ZNF385D: variants seen among roughly 807,000 people sequenced by gnomAD.
The protein encoded by ZNF385D is zinc finger protein 385D, also known as zinc finger protein 659.
In ZNF385D, 15 loss-of-function variants were observed where a neutral mutation model predicts 35.8. That is an observed-to-expected ratio of 0.42 (90% CI 0.28 to 0.64). The LOEUF (loss-of-function observed/expected upper bound fraction) is 0.64. Among genes scored for constraint, ZNF385D ranks in the 30% least tolerant of loss-of-function variants. The pLI is 0.23. For missense variants in ZNF385D, 474 were observed against 494.6 expected, an observed-to-expected ratio of 0.96 and a Z score of 0.39; for synonymous variants, 212 against 186.8, an observed-to-expected ratio of 1.13 and a Z score of -1.10.
chr3:22,059,461 A>G (rs1176344581), intron 3 of ZNF385D, among the ~76,000 whole-genome samples: 2 of 152,194 alleles, frequency 1.3e-5, no homozygotes, highest in Non-Finnish European at 2.9e-5. Context: ...ATTTTCTTCT[A>G]GGAAACACTG....
At chr3:21,809,718 A>G (rs538038967) in intron 3 of ZNF385D, among the ~76,000 whole-genome samples, 43 of 151,556 alleles carry the variant, frequency 2.8e-4, no homozygotes, top group African/African-American at 9.9e-4. Context: ...ATATACATAT[A>G]TATACACACA....
intron 3 of ZNF385D, among the ~76,000 whole-genome samples, chr3:22,104,058 G>A (rs1051846915): frequency 3.3e-5 from 5 of 152,048 alleles, no homozygotes; most frequent in African/African-American, 9.7e-5. Flanking sequence ...CCAGCCTTGG[G>A]GAGTGAGGGA....
At chr3:21,579,023 C>T (rs985148138) in intron 2 of ZNF385D, among the ~76,000 whole-genome samples, 3 of 152,108 alleles carry the variant, frequency 2.0e-5, no homozygotes, top group African/African-American at 4.8e-5. Context: ...ACTCTTAATT[C>T]CTTTCTATTT....
chr3:21,847,523 A>C (rs932880402), intron 3 of ZNF385D, among the ~76,000 whole-genome samples: 1 of 152,066 alleles, frequency 6.6e-6, no homozygotes. Flanking sequence ...CCTCTTGACA[A>C]ATTTTAGATT....
chr3:21,657,399 T>G (rs946926674), intron 2 of ZNF385D, among the ~76,000 whole-genome samples: 8 of 151,992 alleles, frequency 5.3e-5, no homozygotes, highest in African/African-American at 1.9e-4. Flanking sequence ...GTCACTATAA[T>G]AAGTACATTT....
intron 2 of ZNF385D, among the ~76,000 whole-genome samples, chr3:21,623,685 A>C (rs2065064721): frequency 6.6e-6 from 1 of 152,000 alleles, no homozygotes; most frequent in Admixed American, 6.6e-5. Flanking sequence ...AAAAACAAAA[A>C]ACCACAATGT....
At chr3:22,269,966 A>G (rs1295835444) in intron 2 of ZNF385D, among the ~76,000 whole-genome samples, 2 of 151,814 alleles carry the variant, frequency 1.3e-5, no homozygotes, top group Non-Finnish European at 2.9e-5. Flanking sequence ...AGTAGTGTAT[A>G]GCAGCACTTC....
chr3:22,226,886 T>G (rs1256309460), intron 2 of ZNF385D, among the ~76,000 whole-genome samples: 1 of 152,170 alleles, frequency 6.6e-6, no homozygotes, highest in Non-Finnish European at 1.5e-5. Flanking sequence ...ACCTTAATAT[T>G]CTCTCCATTC....
In ZNF385D at chr3:21,418,219, T is replaced by C. The variant is rs1161432615; in HGVS notation, c.*2995A>G. 1 of 152,148 alleles carries C rather than the reference T, an allele frequency of 6.6e-6. No individual in the cohort carries two copies. The highest frequency in any genetic ancestry group is 1.5e-5 in the Non-Finnish European group (1 of 68,000). The allele number at this position is 152,148 out of a possible 1,614,324, so 9.4% of individuals were successfully genotyped here. On this transcript the variant is annotated 3_prime_UTR_variant, in exon 8 of 8. Transcript: ENST00000281523. ...CCATGGTGTGATGCATGGGAAGGAA[T>C]GTAAAACCATAAAGTCAGACCACCC...
At chr3:22,152,337 G>A (rs376679572) in intron 3 of ZNF385D, among the ~76,000 whole-genome samples, 7 of 152,214 alleles carry the variant, frequency 4.6e-5, no homozygotes, top group Admixed American at 2.6e-4. Context: ...ATACCACTTA[G>A]GAAAATGACG....
intron 4 of ZNF385D, among the ~76,000 whole-genome samples, chr3:21,509,169 A>G (rs1401968604): frequency 6.6e-6 from 1 of 152,178 alleles, no homozygotes; most frequent in Non-Finnish European, 1.5e-5. Context: ...ATTTTAAAAA[A>G]GTCAAGATAA....
chr3:21,536,864 C>T (rs532117150), intron 3 of ZNF385D, among the ~76,000 whole-genome samples: 16 of 151,908 alleles, frequency 1.1e-4, no homozygotes, highest in South Asian at 6.4e-4. Flanking sequence ...AAGCAAAGCA[C>T]GCAGAAATCG....
chr3:22,211,502 A>G (rs1384607304), intron 2 of ZNF385D, among the ~76,000 whole-genome samples: 3 of 151,934 alleles, frequency 2.0e-5, no homozygotes, highest in Non-Finnish European at 4.4e-5. Context: ...AGCATTTGGA[A>G]TTTAGTTTCA....
Position 21,414,305 on chromosome 3 carries a change from T to A in ZNF385D, c.*6909A>T, listed in dbSNP as rs967678487. The A allele has an allele frequency of 6.6e-6, 1 of 152,036 alleles. No individual in the cohort carries two copies. The highest frequency in any genetic ancestry group is 2.4e-5 in the African/African-American group (1 of 41,412). The allele number at this position is 152,036 out of a possible 1,614,324, so 9.4% of individuals were successfully genotyped here. On this transcript the variant is annotated 3_prime_UTR_variant, in exon 8 of 8. Transcript: ENST00000281523. ...AAATGAAAGAAACTATGACTAAAAA[T>A]ATTCCCCGAAGAAACAATGTTCTTT...
In ZNF385D at chr3:22,006,942, A is replaced by G. The variant is rs555136917; in HGVS notation, c.325+161875T>C. Among the ~76,000 whole-genome samples the G allele has an allele frequency of 3.3e-5, 5 of 152,014 alleles. No homozygotes were observed. The East Asian group carries it at 7.7e-4, about 23-fold the overall frequency. On this transcript the variant is annotated intron_variant, in intron 3 of 5. Transcript: ENST00000494108. ...GTAAGAAGTCCTGAGTTTGTGAGGA[A>G]AAAAAAAGTCATTTAATATAGACAT...
chr3:22,124,348 A>T (rs1703302136), intron 3 of ZNF385D, among the ~76,000 whole-genome samples: 1 of 152,170 alleles, frequency 6.6e-6, no homozygotes, highest in Non-Finnish European at 1.5e-5. Flanking sequence ...ACTTAGGTTG[A>T]TTCCAATTCA....
At chr3:22,094,570 G>C (rs1292810233) in intron 3 of ZNF385D, among the ~76,000 whole-genome samples, 1 of 151,816 alleles carries the variant, frequency 6.6e-6, no homozygotes, top group Non-Finnish European at 1.5e-5. Flanking sequence ...GTGGAAGGAA[G>C]AAGTGAATAT....
chr3:21,663,059 G>C (rs901093449), intron 2 of ZNF385D, among the ~76,000 whole-genome samples: 2 of 152,124 alleles, frequency 1.3e-5, no homozygotes, highest in Non-Finnish European at 2.9e-5. Context: ...GCAGTTCTGA[G>C]ATTTGAACTT....
intron 3 of ZNF385D, among the ~76,000 whole-genome samples, chr3:22,132,212 A>G (rs4858386): frequency 1.2e-4 from 18 of 151,846 alleles, no homozygotes; most frequent in Non-Finnish European, 2.9e-5. Flanking sequence ...GTAGAACCCT[A>G]ATGAATGGCA....
Sources: allele counts gnomAD v4.1 joint callset (sites outside exome capture counted in the v4.1 genomes callset), GRCh38; gene constraint gnomAD v4.1.1; transcripts MANE v1.5; gene names NCBI Gene and HGNC (gene_info 2026-07-23, HGNC 2026-07-21).